L3MBTL3: variants seen among roughly 807,000 people sequenced by gnomAD.
L3MBTL3 encodes L3MBTL histone methyl-lysine binding protein 3.
Under a neutral mutation model 102.3 loss-of-function variants are expected in L3MBTL3, and 27 were observed. The observed-to-expected ratio is 0.26, with a 90% CI of 0.19 to 0.36. The LOEUF (loss-of-function observed/expected upper bound fraction) is 0.36. Ranked by LOEUF, L3MBTL3 falls within the 10% of genes least tolerant of loss-of-function variation. L3MBTL3 has a pLI of 1.00. For missense variants in L3MBTL3, 798 were observed against 955.3 expected (o/e 0.84, Z 2.17); for synonymous variants, 340 against 320.9 (o/e 1.06, Z -0.64).
chr6:130,036,272 G>C (rs1251806678), intron 2 of L3MBTL3, among the ~76,000 whole-genome samples: 1 of 152,142 alleles, frequency 6.6e-6, no homozygotes, highest in Admixed American at 6.5e-5. Context: ...CTCATTAATA[G>C]ATGGTGGAAG....
chr6:130,056,119 G>A (rs528610580), intron 8 of L3MBTL3, among the ~76,000 whole-genome samples: 14 of 152,090 alleles, frequency 9.2e-5, no homozygotes, highest in Middle Eastern at 3.4e-3. Context: ...GTAGAGATGG[G>A]GTTTCATCAT....
chr6:130,112,365 T>C (rs1283879960), intron 19 of L3MBTL3, among the ~76,000 whole-genome samples: 1 of 152,214 alleles, frequency 6.6e-6, no homozygotes, highest in Non-Finnish European at 1.5e-5. Flanking sequence ...GCAATAGCTG[T>C]ATAACATTTC....
At chr6:130,078,777 C>A (rs1584386607) in intron 14 of L3MBTL3, 143 bp downstream of exon 14, 2 of 580,798 alleles carry the variant, frequency 3.4e-6, no homozygotes, top group Non-Finnish European at 6.2e-6. Flanking sequence ...AGTTGTAGTG[C>A]AAAAACAGCC....
intron 8 of L3MBTL3, 91 bp from the exon 9 acceptor site, chr6:130,057,315 G>A: frequency 3.3e-6 from 3 of 922,252 alleles, no homozygotes; most frequent in Non-Finnish European, 5.2e-6. Context: ...GAGCCAGGCA[G>A]CGTATCAGTC....
rs765792386 is a variant in L3MBTL3 at position 130,139,770 on chromosome 6, A to G, written c.*17A>G. 5.0e-6 allele frequency: 8 copies of G among 1,608,616 alleles called. No homozygotes were observed. On this transcript the variant is annotated 3_prime_UTR_variant, in exon 23 of 23. Transcript: ENST00000361794. ...GAACTTTGAAGATGGTGAATTCTGAATACCATCAGCATTCTGCTTTAAAGC... is the reference window on the plus strand; with the variant it reads ...GAACTTTGAAGATGGTGAATTCTGAGTACCATCAGCATTCTGCTTTAAAGC...
chr6:130,111,603 A>G (rs774886575), intron 19 of L3MBTL3, among the ~76,000 whole-genome samples: 1 of 152,254 alleles, frequency 6.6e-6, no homozygotes, highest in Non-Finnish European at 1.5e-5. Context: ...TAGGACTAGC[A>G]TAAGTTAACA....
At chr6:130,084,793 C>T (rs1201700914) in intron 15 of L3MBTL3, among the ~76,000 whole-genome samples, 1 of 152,160 alleles carries the variant, frequency 6.6e-6, no homozygotes, top group Non-Finnish European at 1.5e-5. Context: ...ATTGACTGCT[C>T]TGTGTTATTT....
Position 130,107,531 on chromosome 6 carries a change from G to A in L3MBTL3, c.1886+2956G>A, listed in dbSNP as rs117230734. ...GAAGCTTCTATAATTCCTGTAAAGTGTCTATAAAAGTAAAACTAAATGACA... is the reference window on the plus strand; with the variant it reads ...GAAGCTTCTATAATTCCTGTAAAGTATCTATAAAAGTAAAACTAAATGACA... On this transcript the variant is annotated intron_variant, in intron 19 of 22. Transcript: ENST00000361794. Among the ~76,000 whole-genome samples the A allele has an allele frequency of 2.8e-4, 43 of 152,226 alleles. No homozygotes were observed. In the East Asian group the frequency reaches 6.9e-3, roughly 25 times the overall value.
chr6:130,131,116 T>G (rs552535862), intron 20 of L3MBTL3, among the ~76,000 whole-genome samples: 5 of 152,314 alleles, frequency 3.3e-5, no homozygotes, highest in African/African-American at 1.2e-4. Context: ...GGGATTTAGC[T>G]TCTTCATGGA....
intron 2 of L3MBTL3, among the ~76,000 whole-genome samples, chr6:130,032,246 G>A (rs1037805859): frequency 6.6e-6 from 1 of 152,194 alleles, no homozygotes; most frequent in African/African-American, 2.4e-5. Flanking sequence ...TTTGAGCACA[G>A]ATGGCTTACT....
intron 3 of L3MBTL3, among the ~76,000 whole-genome samples, chr6:130,044,526 G>A (rs2114710324): frequency 6.6e-6 from 1 of 152,096 alleles, no homozygotes; most frequent in East Asian, 1.9e-4. Flanking sequence ...ATGAGTTTTA[G>A]AAATTAACCT....
intron 19 of L3MBTL3, among the ~76,000 whole-genome samples, chr6:130,116,542 C>T (rs1785692807): frequency 6.6e-6 from 1 of 152,074 alleles, no homozygotes; most frequent in Admixed American, 6.6e-5. Flanking sequence ...TGCTTGAAGC[C>T]AGAAATTCAG....
intron 10 of L3MBTL3, among the ~76,000 whole-genome samples, chr6:130,062,187 T>G (rs1781938919): frequency 6.6e-6 from 1 of 152,178 alleles, no homozygotes; most frequent in African/African-American, 2.4e-5. Flanking sequence ...TTATGAAAAC[T>G]TCAACTATTA....
chr6:130,080,703 A>G (rs1482221708), intron 14 of L3MBTL3, among the ~76,000 whole-genome samples: 2 of 152,384 alleles, frequency 1.3e-5, no homozygotes, highest in East Asian at 3.8e-4. Context: ...TAAAAATTCA[A>G]AATTGCATGT....
chr6:130,075,741 AGAGTG>A (rs1249946144), intron 13 of L3MBTL3, among the ~76,000 whole-genome samples: 14 of 152,174 alleles, frequency 9.2e-5, no homozygotes, highest in Non-Finnish European at 4.4e-5. Flanking sequence ...GTGGAGGGAG[AGAGTG>A]GAGATTTCTG....
intron 9 of L3MBTL3, among the ~76,000 whole-genome samples, chr6:130,059,096 T>C (rs1781723143): frequency 6.6e-6 from 1 of 152,176 alleles, no homozygotes; most frequent in Admixed American, 6.5e-5. Flanking sequence ...AGTTTAAATG[T>C]AGCTAATTCC....
intron 19 of L3MBTL3, among the ~76,000 whole-genome samples, chr6:130,106,246 A>T (rs1784974038): frequency 6.6e-6 from 1 of 152,194 alleles, no homozygotes; most frequent in Non-Finnish European, 1.5e-5. Context: ...CTGTGCAAGT[A>T]CTTGGCATAC....
At chr6:130,064,027 A>G (rs1782082664) in intron 10 of L3MBTL3, among the ~76,000 whole-genome samples, 1 of 152,224 alleles carries the variant, frequency 6.6e-6, no homozygotes, top group Non-Finnish European at 1.5e-5. Flanking sequence ...TAGCAAGTAG[A>G]TGACTTCACA....
In L3MBTL3 at chr6:130,049,958, G is replaced by A. The variant is rs113676426; in HGVS notation, c.289+128G>A. 23 of 1,177,838 alleles carry A rather than the reference G, an allele frequency of 2.0e-5. No individual in the cohort carries two copies. In the African/African-American group the frequency reaches 2.6e-4, roughly 13 times the overall value. The allele number at this position is 1,177,838 out of a possible 1,614,324, so 73.0% of individuals were successfully genotyped here. On this transcript the variant is annotated intron_variant, in intron 5 of 22. Coordinates refer to ENST00000361794, the MANE Select transcript of L3MBTL3 (RefSeq NM_032438.4). ...ATAGCACCATCCACCCAGTGGACAA[G>A]CAAGAAACACAGGAGTCATCCTGAA...
Sources: gnomAD v4.1 joint callset for allele counts (sites outside exome capture counted in the v4.1 genomes callset) on GRCh38, gnomAD v4.1.1 for gene constraint, MANE v1.5 for transcripts, NCBI Gene and HGNC (gene_info 2026-07-23, HGNC 2026-07-21) for gene names.